XRRA1: variants seen among roughly 807,000 people sequenced by gnomAD.
The protein encoded by XRRA1 is X-ray radiation resistance-associated protein 1.
In XRRA1, 69 loss-of-function variants were observed where a neutral mutation model predicts 80.2. That is an observed-to-expected ratio of 0.86 (90% confidence interval 0.71 to 1.05). XRRA1 has a LOEUF of 1.05. Ranked by LOEUF, XRRA1 falls within the 50% of genes least tolerant of loss-of-function variation. XRRA1 has a pLI of 0.00. For synonymous variants in XRRA1, 348 were observed against 389.9 expected (o/e 0.89, Z 1.27); for missense variants, 967 against 976.4 (o/e 0.99, Z 0.13).
At chr11:74,890,910 A>G (rs2050495424) in intron 10 of XRRA1, among the ~76,000 whole-genome samples, 2 of 152,158 alleles carry the variant, frequency 1.3e-5, no homozygotes, top group Admixed American at 6.5e-5. Flanking sequence ...GACAATAATT[A>G]ATAGCTTACC....
At chr11:74,888,638 C>T (rs963866618) in intron 10 of XRRA1, among the ~76,000 whole-genome samples, 14 of 152,146 alleles carry the variant, frequency 9.2e-5, no homozygotes, top group African/African-American at 2.2e-4. Flanking sequence ...GGAGGAAGTT[C>T]GAACCCATGG....
chr11:74,855,690 C>T (rs935737391), intron 12 of XRRA1, among the ~76,000 whole-genome samples: 1 of 152,168 alleles, frequency 6.6e-6, no homozygotes, highest in South Asian at 2.1e-4. Context: ...ACTTTTGACA[C>T]AACAATTTCT....
intron 10 of XRRA1, among the ~76,000 whole-genome samples, chr11:74,874,232 T>C (rs1268794377): frequency 1.3e-4 from 2 of 15,012 alleles, no homozygotes; most frequent in Non-Finnish European, 2.6e-4. Context: ...AGACTCCGTC[T>C]CAAAAAAAAA....
At chr11:74,880,572 C>A (rs553059693) in intron 10 of XRRA1, among the ~76,000 whole-genome samples, 3,502 of 150,310 alleles carry the variant, frequency 0.023, 106 homozygotes, top group African/African-American at 0.082. Flanking sequence ...AATTTTGGAT[C>A]TTTCCTGCTT....
At chr11:74,912,548 C>T (rs769670613) in intron 8 of XRRA1, among the ~76,000 whole-genome samples, 2 of 152,114 alleles carry the variant, frequency 1.3e-5, no homozygotes, top group Non-Finnish European at 2.9e-5. Flanking sequence ...ACCAAACCCT[C>T]GGAGGACGTA....
At chr11:74,892,570 T>C (rs2051065066) in intron 10 of XRRA1, among the ~76,000 whole-genome samples, 1 of 152,054 alleles carries the variant, frequency 6.6e-6, no homozygotes, top group African/African-American at 2.4e-5. Flanking sequence ...CTAATTAAAC[T>C]AAAGAGCTTC....
At chr11:74,879,948 T>A (rs1437267537) in intron 10 of XRRA1, among the ~76,000 whole-genome samples, 1 of 152,180 alleles carries the variant, frequency 6.6e-6, no homozygotes, top group South Asian at 2.1e-4. Context: ...TGTCTCTGCC[T>A]GGCTTTGGTA....
chr11:74,891,908 T>TACAA (rs2050820407), intron 10 of XRRA1, among the ~76,000 whole-genome samples: 1 of 152,006 alleles, frequency 6.6e-6, no homozygotes, highest in Admixed American at 6.6e-5. Flanking sequence ...TAAAAGAGGA[T>TACAA]ACAAACAAAT....
At position 74,843,003 on chromosome 11, in the gene XRRA1, C is replaced by T; in HGVS notation, c.*197G>A. 1.5e-6 allele frequency: 1 copy of T among 681,016 alleles called. No homozygotes were observed. The highest frequency in any genetic ancestry group is 2.4e-6 in the Non-Finnish European group (1 of 417,392). The allele number at this position is 681,016 out of a possible 1,614,324, so 42.2% of individuals were successfully genotyped here. On this transcript the variant is annotated 3_prime_UTR_variant, in exon 19 of 19. Transcript: ENST00000684022. ...CACCCACTCTTTATTGCCGCTGGGC[C>T]AGGCACCAGGTCATGCCTGGGCCAA...
intron 2 of XRRA1, among the ~76,000 whole-genome samples, chr11:74,944,156 C>T (rs902175056): frequency 4.6e-5 from 7 of 152,066 alleles, no homozygotes; most frequent in Admixed American, 2.6e-4. Context: ...TTTCGTGGCC[C>T]GACCTCACAA....
chr11:74,942,057 G>T (rs1946432965), intron 2 of XRRA1, among the ~76,000 whole-genome samples: 1 of 152,066 alleles, frequency 6.6e-6, no homozygotes, highest in Non-Finnish European at 1.5e-5. Flanking sequence ...AGGCTGCAGT[G>T]AGCCGTGATC....
chr11:74,844,329 C>T (rs774131976), intron 16 of XRRA1, 46 bp from the exon 17 acceptor site: 1 of 1,406,798 alleles, frequency 7.1e-7, no homozygotes, highest in East Asian at 2.3e-5. Context: ...CCCCCTCCTC[C>T]TCCCAGATGC....
chr11:74,937,046 A>G lies in XRRA1; in HGVS notation c.117T>C (p.Val39=). Residue 39 remains valine, a synonymous_variant, in exon 4 of 19, where the codon GTT becomes GTC. Transcript: ENST00000684022. ...GCTTCTTCTTGAGGTTACCTTTCTG[A>G]ACCACTAACCAGTGTCCTTGGCCTG... ...PEEGQGHWLV[V]QKGNLKKKPK... is the part of the protein sequence containing the mutation. The G allele has an allele frequency of 6.2e-7, 1 of 1,613,810 alleles. No homozygotes were observed. Among genetic ancestry groups the G allele is most frequent in the East Asian group, 2.2e-5 (1 of 44,876 alleles).
chr11:74,924,649 C>T (rs960851583), intron 7 of XRRA1, among the ~76,000 whole-genome samples: 1 of 151,972 alleles, frequency 6.6e-6, no homozygotes, highest in Non-Finnish European at 1.5e-5. Flanking sequence ...GCCTGGCCAA[C>T]AAGGTGAAAC....
chr11:74,850,441 G>A (rs893255551), intron 14 of XRRA1, among the ~76,000 whole-genome samples: 1 of 152,186 alleles, frequency 6.6e-6, no homozygotes, highest in Non-Finnish European at 1.5e-5. Context: ...AGCCTGGCTG[G>A]ACAGAGGCGG....
chr11:74,855,940 C>G (rs1285128221), intron 12 of XRRA1, among the ~76,000 whole-genome samples: 1 of 152,144 alleles, frequency 6.6e-6, no homozygotes, highest in Non-Finnish European at 1.5e-5. Context: ...CAAGACCAGC[C>G]TGGCCAATAT....
At chr11:74,933,644 C>T (rs1406764479) in intron 5 of XRRA1, 157 bp downstream of exon 5, 10 of 607,898 alleles carry the variant, frequency 1.6e-5, no homozygotes, top group Non-Finnish European at 2.9e-5. Flanking sequence ...ATTGTTTCAA[C>T]CCAATAAATC....
intron 12 of XRRA1, among the ~76,000 whole-genome samples, chr11:74,856,469 CA>C (rs1418887833): frequency 6.6e-6 from 1 of 152,166 alleles, no homozygotes; most frequent in Non-Finnish European, 1.5e-5. Flanking sequence ...CATCCCAGGA[CA>C]ATCATGCGGC....
At chr11:74,849,584 T>TCCC (rs912420511) in intron 14 of XRRA1, among the ~76,000 whole-genome samples, 36 of 152,210 alleles carry the variant, frequency 2.4e-4, no homozygotes, top group African/African-American at 8.7e-4. Flanking sequence ...AAGGGACAGT[T>TCCC]CCCCTTCCCT....
Sources: gnomAD v4.1 joint callset for allele counts (sites outside exome capture counted in the v4.1 genomes callset) on GRCh38, gnomAD v4.1.1 for gene constraint, MANE v1.5 for transcripts, NCBI Gene and HGNC (gene_info 2026-07-23, HGNC 2026-07-21) for gene names.